SETDB2: variants seen among roughly 807,000 people sequenced by gnomAD.
SETDB2 encodes SET domain bifurcated histone lysine methyltransferase 2, also known as histone-lysine N-methyltransferase SETDB2.
In SETDB2, 56 loss-of-function variants were observed where a neutral mutation model predicts 82.5. That is an observed-to-expected ratio of 0.68 (90% CI 0.55 to 0.85). The LOEUF (loss-of-function observed/expected upper bound fraction) is 0.85, where lower values mean the gene tolerates loss of function less well. Among genes scored for constraint, SETDB2 ranks in the 40% least tolerant of loss-of-function variants. SETDB2 has a pLI of 0.00. For synonymous variants in SETDB2, 272 were observed against 284.9 expected (o/e 0.95, Z 0.46); for missense variants, 677 against 816.4 (o/e 0.83, Z 2.08).
chr13:49,473,393 A>C (rs1536194), intron 5 of SETDB2, among the ~76,000 whole-genome samples: 2 of 151,526 alleles, frequency 1.3e-5, no homozygotes, highest in East Asian at 3.9e-4. Context: ...CTACCAAAAA[A>C]GCAAAAAATT....
Position 49,492,280 on chromosome 13 carries a change from T to TA in SETDB2, c.*433dup. Reference sequence around the variant, plus strand: ...AAATTGATTTTTAATTCCTGGCAAATAATTTACCATTATGAGCTACAAGGT... The same window carrying TA: ...AAATTGATTTTTAATTCCTGGCAAATAAATTTACCATTATGAGCTACAAGGT... On this transcript the variant is annotated 3_prime_UTR_variant, in exon 14 of 14. Transcript: ENST00000611815. 5.6e-6 allele frequency: 1 copy of TA among 179,812 alleles called. No individual in the cohort carries two copies. The highest frequency in any genetic ancestry group is 1.2e-5 in the Non-Finnish European group (1 of 84,162). The allele number at this position is 179,812 out of a possible 1,614,324, so 11.1% of individuals were successfully genotyped here. A position where few individuals can be genotyped will look rare whatever the true frequency, so the allele number is the denominator to read the frequency against.
At chr13:49,490,273 C>T (rs1958684798) in intron 12 of SETDB2, among the ~76,000 whole-genome samples, 1 of 90,110 alleles carries the variant, frequency 1.1e-5, no homozygotes, top group Admixed American at 1.3e-4. Flanking sequence ...GAGTGAGACT[C>T]CGTCTCAAAA....
chr13:49,483,370 G>T, intron 9 of SETDB2, 94 bp from the exon 10 acceptor site: 1 of 472,748 alleles, frequency 2.1e-6, no homozygotes, highest in Non-Finnish European at 3.8e-6. Context: ...TAATAATTAA[G>T]GATATTTATG....
At chr13:49,480,426 C>A in intron 7 of SETDB2, 91 bp downstream of exon 7, 1 of 765,868 alleles carries the variant, frequency 1.3e-6, no homozygotes, top group Non-Finnish European at 2.1e-6. Flanking sequence ...GATGTTAAAT[C>A]TGGTTTAATT....
At chr13:49,462,276 G>A (rs1273973361) in intron 4 of SETDB2, among the ~76,000 whole-genome samples, 1 of 152,184 alleles carries the variant, frequency 6.6e-6, no homozygotes, top group East Asian at 1.9e-4. Context: ...TGTCAGAAGT[G>A]CCTTGGTCTT....
intron 1 of SETDB2, among the ~76,000 whole-genome samples, chr13:49,451,066 G>C (rs140017209): frequency 4.6e-5 from 7 of 151,332 alleles, no homozygotes; most frequent in Non-Finnish European, 8.9e-5. Context: ...TAGTGATGGA[G>C]GAAAATGCAG....
At chr13:49,465,265 C>T (rs1454092195) in intron 4 of SETDB2, among the ~76,000 whole-genome samples, 1 of 152,124 alleles carries the variant, frequency 6.6e-6, no homozygotes, top group Non-Finnish European at 1.5e-5. Flanking sequence ...GCTCTGTCTC[C>T]ATATGAAGGA....
rs574464864 is a variant in SETDB2, at chr13:49,492,986, G to A, written c.*1137G>A. On this transcript the variant is annotated 3_prime_UTR_variant, in exon 14 of 14. Transcript: ENST00000611815. ...AAAAACAGCACACACACACACACACGAAAACAATTCTGAACTATGAAATCT... is the reference window on the plus strand; with the variant it reads ...AAAAACAGCACACACACACACACACAAAAACAATTCTGAACTATGAAATCT... 3 of 140,100 alleles carry A rather than the reference G, an allele frequency of 2.1e-5. No individual in the cohort carries two copies. The highest frequency in any genetic ancestry group is 2.3e-4 in the South Asian group (1 of 4,426). 8.7% of individuals were successfully genotyped at this position (140,100 alleles called of 1,614,324 possible).
At chr13:49,458,368 C>G (rs185543524) in intron 2 of SETDB2, among the ~76,000 whole-genome samples, 190 of 152,314 alleles carry the variant, frequency 1.2e-3, no homozygotes, top group African/African-American at 4.5e-3. Flanking sequence ...AGATACTGTG[C>G]CCAGTTTGTT....
Position 49,494,031 on chromosome 13 carries a change from G to A in SETDB2, c.*2182G>A, listed in dbSNP as rs1958760451. ...TGGAATTCCTGTTTTCCAGATGTTA[G>A]ACCTCCAGAATTTGATCTCTAATTT... On this transcript the variant is annotated 3_prime_UTR_variant, in exon 14 of 14. Coordinates refer to ENST00000611815, the MANE Select transcript of SETDB2 (RefSeq NM_001160308.3). The A allele has an allele frequency of 6.6e-6, 1 of 152,050 alleles. No homozygotes were observed. The highest frequency in any genetic ancestry group is 2.4e-5 in the African/African-American group (1 of 41,392). 9.4% of individuals were successfully genotyped at this position (152,050 alleles called of 1,614,324 possible). A position where few individuals can be genotyped will look rare whatever the true frequency, so the allele number is the denominator to read the frequency against.
chr13:49,473,850 CAG>C (rs1208728888), intron 5 of SETDB2, among the ~76,000 whole-genome samples: 1 of 152,110 alleles, frequency 6.6e-6, no homozygotes, highest in Non-Finnish European at 1.5e-5. Context: ...ATCCAGAGTT[CAG>C]GTTATACCAT....
chr13:49,469,898 A>G (rs1210479935), intron 5 of SETDB2, among the ~76,000 whole-genome samples: 1 of 151,868 alleles, frequency 6.6e-6, no homozygotes, highest in Non-Finnish European at 1.5e-5. Context: ...TTTTTGAGAA[A>G]CTCTTCCTTC....
chr13:49,464,375 CAAAAT>C (rs893666431), intron 4 of SETDB2, among the ~76,000 whole-genome samples: 1 of 152,110 alleles, frequency 6.6e-6, no homozygotes, highest in Non-Finnish European at 1.5e-5. Flanking sequence ...GTCTTCAATT[CAAAAT>C]AATCTTTATG....
At chr13:49,489,996 C>T (rs1365521312) in intron 12 of SETDB2, among the ~76,000 whole-genome samples, 2 of 138,312 alleles carry the variant, frequency 1.4e-5, no homozygotes, top group South Asian at 2.3e-4. Flanking sequence ...TATATTGGGC[C>T]AGGCGTGATG....
Position 49,451,888 on chromosome 13 carries a change from C to G in SETDB2, c.-6C>G. ...AGCATTTTATATTTATAAGCGACAT[C>G]AAAAGATGGGAGAAAAAAATGGTAG... On this transcript the variant is annotated 5_prime_UTR_variant, in exon 2 of 14. In the 5' UTR this introduces an upstream ATG that the reference lacks. Coordinates refer to ENST00000611815, the MANE Select transcript of SETDB2 (RefSeq NM_001160308.3). The G allele has an allele frequency of 1.9e-6, 3 of 1,594,356 alleles. No homozygotes were observed. Among genetic ancestry groups the G allele is most frequent in the Non-Finnish European group, 2.6e-6 (3 of 1,167,592 alleles).
At chr13:49,478,123 GTTAAT>G (rs1958407245) in intron 6 of SETDB2, among the ~76,000 whole-genome samples, 1 of 152,336 alleles carries the variant, frequency 6.6e-6, no homozygotes, top group South Asian at 2.1e-4. Context: ...CATCCTCTAA[GTTAAT>G]TGGAGTGTAA....
intron 11 of SETDB2, among the ~76,000 whole-genome samples, chr13:49,487,513 TA>T (rs1212383133): frequency 1.3e-5 from 2 of 152,124 alleles, no homozygotes; most frequent in African/African-American, 4.8e-5. Context: ...TTCTTTTTTT[TA>T]AAATTTTTTG....
chr13:49,467,553 A>G (rs1958140804), intron 4 of SETDB2, among the ~76,000 whole-genome samples: 1 of 152,234 alleles, frequency 6.6e-6, no homozygotes, highest in African/African-American at 2.4e-5. Flanking sequence ...TGATTTCTCT[A>G]TAAAATGCAT....
At chr13:49,475,894 GAAT>G (rs1054139882) in intron 5 of SETDB2, among the ~76,000 whole-genome samples, 6 of 152,032 alleles carry the variant, frequency 3.9e-5, no homozygotes, top group Non-Finnish European at 7.3e-5. Context: ...ATTATGGAAA[GAAT>G]TAAGTTGGTA....
Sources: gnomAD v4.1 joint callset for allele counts (sites outside exome capture counted in the v4.1 genomes callset) on GRCh38, gnomAD v4.1.1 for gene constraint, MANE v1.5 for transcripts, NCBI Gene and HGNC (gene_info 2026-07-23, HGNC 2026-07-21) for gene names.